DMKN: variants seen among roughly 807,000 people sequenced by gnomAD.
DMKN encodes epidermis-specific secreted protein SK30/SK89.
In DMKN, 58 loss-of-function variants were observed where a neutral mutation model predicts 67.6. The ratio of observed to expected loss-of-function variants is 0.86; its 90% CI spans 0.69 to 1.07. The LOEUF (loss-of-function observed/expected upper bound fraction) is 1.07, where lower values mean the gene tolerates loss of function less well. Ranked by LOEUF, DMKN falls within the 50% of genes least tolerant of loss-of-function variation. DMKN has a pLI of 0.00. For missense variants in DMKN, 596 were observed against 601.5 expected, an observed-to-expected ratio of 0.99 and a Z score of 0.10; for synonymous variants, 240 against 232.3, an observed-to-expected ratio of 1.03 and a Z score of -0.30.
chr19:35,504,541 A>G (rs1362624986), intron 9 of DMKN, among the ~76,000 whole-genome samples: 1 of 148,842 alleles, frequency 6.7e-6, no homozygotes, highest in African/African-American at 2.5e-5. Flanking sequence ...TCGAACCACT[A>G]CACTCCAACC....
In DMKN at chr19:35,513,354, T is replaced by C. The variant is rs745645226; in HGVS notation, c.122A>G (p.His41Arg). 8 of 1,613,824 alleles carry C rather than the reference T, an allele frequency of 5.0e-6. No individual in the cohort carries two copies. The highest frequency in any genetic ancestry group is 1.1e-5 in the South Asian group (1 of 91,084). ...TGTNIGEALG[H>R]GLGDALSEGV... Reference sequence around the variant, plus strand: ...TTCGCTCAGGGCGTCTCCCAGGCCATGTCCAAGGGCCTCCCCAATATTTGT... The same window carrying C: ...TTCGCTCAGGGCGTCTCCCAGGCCACGTCCAAGGGCCTCCCCAATATTTGT... Residue 41 changes from histidine (H) to arginine (R), a missense_variant, in exon 1 of 16, where the codon CAT (histidine) becomes CGT (arginine). By Grantham distance (29) the His-to-Arg change is conservative. Coordinates refer to ENST00000339686, the MANE Select transcript of DMKN (RefSeq NM_033317.5).
rs2068491674 is a variant in DMKN at position 35,502,076 on chromosome 19, GC to G, written c.1239+59del. 2.5e-6 allele frequency: 4 copies of G among 1,611,512 alleles called. No homozygotes were observed. The East Asian group carries it at 8.9e-5, about 36-fold the overall frequency. Reference sequence around the variant, plus strand: ...GAAACTGGGACAGACACCTGGGTCAGCGGCTCGCCCAGGGCCCCGAACCCTG... The same window carrying G: ...GAAACTGGGACAGACACCTGGGTCAGGGCTCGCCCAGGGCCCCGAACCCTG... On this transcript the variant is annotated intron_variant, in intron 11 of 15. Transcript: ENST00000339686.
chr19:35,510,855 A>G (rs1425001262), intron 5 of DMKN, among the ~76,000 whole-genome samples: 1 of 152,034 alleles, frequency 6.6e-6, no homozygotes. Context: ...GAGGCTGGAG[A>G]GACTGCCGGC....
chr19:35,499,061 C>G, intron 13 of DMKN, 164 bp from the exon 14 acceptor site: 1 of 954,796 alleles, frequency 1.0e-6, no homozygotes, highest in Admixed American at 2.4e-5. Context: ...GAGTTGGTTT[C>G]ACAGCACGTT....
chr19:35,510,349 A>C (rs1195923786), intron 5 of DMKN, 97 bp from the exon 6 acceptor site: 1 of 1,552,504 alleles, frequency 6.4e-7, no homozygotes, highest in Non-Finnish European at 8.7e-7. Flanking sequence ...AACCCCAATC[A>C]GATTCCAGTC....
chr19:35,513,397 C>T lies in DMKN; in HGVS notation c.79G>A (p.Gly27Arg), dbSNP rs373879312. 1.8e-5 allele frequency: 29 copies of T among 1,608,444 alleles called. No individual in the cohort carries two copies. The African/African-American group carries it at 2.5e-4, about 14-fold the overall frequency. ...ATATTTGTCCCAGTGCTTTCCTCTC[C>T]GCTCTGCAGGGGGCCAGCCTCCCCA... is the stretch of plus-strand genomic sequence containing the variant. ...GSGEAGPLQS[G>R]EESTGTNIGE... is the part of the protein sequence containing the mutation. Residue 27 changes from glycine (G) to arginine (R), a missense_variant, in exon 1 of 16, where the codon GGA (glycine) becomes AGA (arginine). By Grantham distance (125) the Gly-to-Arg change is moderately radical. Coordinates refer to ENST00000339686, the MANE Select transcript of DMKN (RefSeq NM_033317.5).
intron 7 of DMKN, chr19:35,508,078 C>A: frequency 7.8e-7 from 1 of 1,276,338 alleles, no homozygotes; most frequent in Non-Finnish European, 1.1e-6. Context: ...TCCTCGTTCC[C>A]AGAGCTCTCA....
chr19:35,502,561 GGGCACGGT>G (rs1362573901), intron 10 of DMKN, among the ~76,000 whole-genome samples: 9 of 151,982 alleles, frequency 5.9e-5, no homozygotes, highest in Non-Finnish European at 1.2e-4. Flanking sequence ...AAAATTAGCC[GGGCACGGT>G]GGCAGGCGCC....
At chr19:35,501,716 C>A in intron 11 of DMKN, 1 of 1,222,250 alleles carries the variant, frequency 8.2e-7, no homozygotes, top group South Asian at 1.6e-5. Context: ...CTGACCCCTG[C>A]ACACCGCCCT....
intron 1 of DMKN, 104 bp from the exon 2 acceptor site, chr19:35,512,894 C>A: frequency 6.6e-7 from 1 of 1,510,124 alleles, no homozygotes; most frequent in Non-Finnish European, 8.9e-7. Flanking sequence ...GGCAGAGGGA[C>A]TCCAGGGTGG....
chr19:35,499,113 G>A, intron 13 of DMKN: 2 of 684,442 alleles, frequency 2.9e-6, no homozygotes, highest in South Asian at 1.9e-5. Context: ...TATTGAACAT[G>A]GTTCCTGGGC....
Position 35,502,014 on chromosome 19 carries a change from A to G in DMKN, c.1239+122T>C. 6 of 1,580,212 alleles carry G rather than the reference A, an allele frequency of 3.8e-6. No individual in the cohort carries two copies. In the South Asian group the frequency reaches 6.8e-5, roughly 18 times the overall value. ...CCCTCTCACCCCGCCCCCACTCGGG[A>G]TTGCACAAAGCCTGGGAAAGTGGGA... is the stretch of plus-strand genomic sequence containing the variant. On this transcript the variant is annotated intron_variant, in intron 11 of 15. Transcript: ENST00000339686.
chr19:35,511,868 C>T lies in DMKN; in HGVS notation c.685-55G>A. The T allele has an allele frequency of 3.2e-6, 5 of 1,567,400 alleles. No homozygotes were observed. In the South Asian group the frequency reaches 5.9e-5, roughly 19 times the overall value. On this transcript the variant is annotated intron_variant, in intron 3 of 15. Coordinates refer to ENST00000339686, the MANE Select transcript of DMKN (RefSeq NM_033317.5). Reference sequence around the variant, plus strand: ...GGACGGTGAGTTTGGAGACGTTGGCCTCGGCCATGGACACAGGCCAGGCCT... The same window carrying T: ...GGACGGTGAGTTTGGAGACGTTGGCTTCGGCCATGGACACAGGCCAGGCCT...
chr19:35,503,273 G>T, intron 9 of DMKN: 1 of 1,487,706 alleles, frequency 6.7e-7, no homozygotes. Context: ...GGATAACAGC[G>T]GAGACGTAAG....
rs1448542146 is a variant in DMKN, at chr19:35,513,388, T to G, written c.88A>C (p.Ser30Arg). The change falls in exon 1 of 16, where the codon AGC becomes CGC. Residue 30 changes from serine to arginine, a missense_variant. Ser to Arg is a moderately radical substitution (Grantham distance 110). Coordinates refer to ENST00000339686, the MANE Select transcript of DMKN (RefSeq NM_033317.5). ...GCCTCCCCAATATTTGTCCCAGTGC[T>G]TTCCTCTCCGCTCTGCAGGGGGCCA... is the stretch of plus-strand genomic sequence containing the variant. ...EAGPLQSGEE[S>R]TGTNIGEALG... 1 of 1,610,410 alleles carries G rather than the reference T, an allele frequency of 6.2e-7. No individual in the cohort carries two copies. Among genetic ancestry groups the G allele is most frequent in the South Asian group, 1.1e-5 (1 of 91,092 alleles).
intron 10 of DMKN, 142 bp from the exon 11 acceptor site, chr19:35,502,325 G>C: frequency 1.3e-6 from 1 of 741,308 alleles, no homozygotes; most frequent in Non-Finnish European, 2.4e-6. Flanking sequence ...AAGCACGTGG[G>C]AGATTGAGGG....
Position 35,502,902 on chromosome 19 carries a change from G to T in DMKN, c.1135-16C>A. The stretch of plus-strand genomic sequence containing the variant: ...GGACCTGGTTCTGTGGATGAAAGGC[G>T]GGGAGCAGGTTAGCAGAGAGCCTGG... On this transcript the variant is annotated splice_polypyrimidine_tract_variant and intron_variant, in intron 9 of 15. Transcript: ENST00000339686. 4.3e-6 allele frequency: 7 copies of T among 1,613,220 alleles called. No individual in the cohort carries two copies. The highest frequency in any genetic ancestry group is 5.1e-6 in the Non-Finnish European group (6 of 1,179,564).
Position 35,502,892 on chromosome 19 carries a change from G to A in DMKN, c.1135-6C>T. 6.2e-7 allele frequency: 1 copy of A among 1,613,780 alleles called. No homozygotes were observed. The highest frequency in any genetic ancestry group is 8.5e-7 in the Non-Finnish European group (1 of 1,179,842). On this transcript the variant is annotated splice_polypyrimidine_tract_variant and splice_region_variant and intron_variant, in intron 9 of 15. Transcript: ENST00000339686. ...CTGGGGGGCGGGACCTGGTTCTGTGGATGAAAGGCGGGGAGCAGGTTAGCA... is the reference window on the plus strand; with the variant it reads ...CTGGGGGGCGGGACCTGGTTCTGTGAATGAAAGGCGGGGAGCAGGTTAGCA...
chr19:35,512,539 T>G, intron 2 of DMKN, 51 bp downstream of exon 2: 1 of 1,614,026 alleles, frequency 6.2e-7, no homozygotes, highest in Non-Finnish European at 8.5e-7. Flanking sequence ...GCGGAGCATG[T>G]GGGCTTGGAG....
Sources: gnomAD v4.1 joint callset for allele counts (sites outside exome capture counted in the v4.1 genomes callset) on GRCh38, gnomAD v4.1.1 for gene constraint, MANE v1.5 for transcripts, NCBI Gene and HGNC (gene_info 2026-07-23, HGNC 2026-07-21) for gene names.